UNC13C: variants seen among roughly 807,000 people sequenced by gnomAD.
UNC13C encodes the protein protein unc-13 homolog C.
UNC13C carries 174 observed loss-of-function variants against 245.4 expected under a neutral mutation model. The observed-to-expected ratio is 0.71, with a 90% CI of 0.63 to 0.80. UNC13C has a LOEUF of 0.80. Ranked by LOEUF, UNC13C falls within the 30% of genes least tolerant of loss-of-function variation. The pLI, the probability that UNC13C is intolerant of heterozygous loss-of-function variation, is 0.00. For missense variants in UNC13C, 2,829 were observed against 2,602.9 expected (o/e 1.09, Z -1.89); for synonymous variants, 992 against 895.1 (o/e 1.11, Z -1.93).
In UNC13C at chr15:54,401,979, A is replaced by G. The variant is rs546249367; in HGVS notation, c.4847+8798A>G. ...ACTTGAGCCTCTGATTTTTGGAACCAAAGTAGCATAACTAACCCAATATAA... is the reference window on the plus strand; with the variant it reads ...ACTTGAGCCTCTGATTTTTGGAACCGAAGTAGCATAACTAACCCAATATAA... On this transcript the variant is annotated intron_variant, in intron 18 of 32. Coordinates refer to ENST00000260323, the MANE Select transcript of UNC13C (RefSeq NM_001080534.3). Among the ~76,000 whole-genome samples the G allele has an allele frequency of 1.1e-4, 16 of 152,222 alleles. No individual in the cohort carries two copies. The South Asian group carries it at 3.3e-3, about 32-fold the overall frequency.
chr15:54,091,371 C>T (rs1283549902), intron 2 of UNC13C, among the ~76,000 whole-genome samples: 2 of 152,274 alleles, frequency 1.3e-5, no homozygotes, highest in East Asian at 1.9e-4. Flanking sequence ...CATTTATTCT[C>T]GCAGATGGAT....
chr15:54,626,713 T>C (rs11856235), intron 32 of UNC13C, 115 bp from the exon 33 acceptor site: 549,467 of 959,482 alleles, frequency 0.57, 158,509 homozygotes, highest in East Asian at 0.63. Flanking sequence ...ATATCCTATT[T>C]GCCAACATAA....
chr15:54,613,152 AAT>A (rs1437751510), intron 30 of UNC13C, among the ~76,000 whole-genome samples: 2 of 151,928 alleles, frequency 1.3e-5, no homozygotes, highest in Non-Finnish European at 2.9e-5. Context: ...CTACAAAATC[AAT>A]AGCTTTTTTA....
In UNC13C at chr15:54,628,186, C is replaced by T. The variant is rs1901308144; in HGVS notation, c.*1073C>T. On this transcript the variant is annotated 3_prime_UTR_variant, in exon 33 of 33. Transcript: ENST00000260323. ...GAGAACAATGTAATACAGCTTGGTA[C>T]CTAAAAATATAGCTAAGTTGGTTTT... 2.6e-5 allele frequency: 4 copies of T among 151,940 alleles called. No homozygotes were observed. In the South Asian group the frequency reaches 8.3e-4, roughly 32 times the overall value. 9.4% of individuals were successfully genotyped at this position (151,940 alleles called of 1,614,324 possible). A position where few individuals can be genotyped will look rare whatever the true frequency, so the allele number is the denominator to read the frequency against.
chr15:54,208,176 C>A (rs1158208855), intron 4 of UNC13C, among the ~76,000 whole-genome samples: 1 of 151,968 alleles, frequency 6.6e-6, no homozygotes, highest in African/African-American at 2.4e-5. Context: ...GCCACATACT[C>A]TTAAACAACC....
intron 2 of UNC13C, among the ~76,000 whole-genome samples, chr15:54,123,539 G>A (rs1450780980): frequency 6.6e-6 from 1 of 151,764 alleles, no homozygotes; most frequent in Non-Finnish European, 1.5e-5. Context: ...ATAAATCAAA[G>A]TAATTTATTT....
At chr15:54,261,982 A>G (rs1383877111) in intron 8 of UNC13C, among the ~76,000 whole-genome samples, 1 of 152,220 alleles carries the variant, frequency 6.6e-6, no homozygotes, top group Non-Finnish European at 1.5e-5. Context: ...ATTAGAATAG[A>G]TATTCTATAA....
chr15:53,904,789 C>G, the UNC13C span, among the ~76,000 whole-genome samples: 3 of 152,142 alleles, frequency 2.0e-5, no homozygotes, highest in Non-Finnish European at 2.9e-5. Flanking sequence ...TACCCTGGCT[C>G]TACCATTAAT....
intron 30 of UNC13C, among the ~76,000 whole-genome samples, chr15:54,576,716 C>T (rs1254402082): frequency 6.6e-6 from 1 of 152,162 alleles, no homozygotes; most frequent in Admixed American, 6.5e-5. Context: ...TCCCTCTTCT[C>T]CCCTCTTGTC....
intron 2 of UNC13C, among the ~76,000 whole-genome samples, chr15:54,053,281 C>T (rs980961559): frequency 7.9e-5 from 12 of 152,112 alleles, no homozygotes; most frequent in Non-Finnish European, 1.6e-4. Flanking sequence ...ATACACTCAC[C>T]TCAGCCTCCG....
the UNC13C span, among the ~76,000 whole-genome samples, chr15:53,905,897 G>C: frequency 6.6e-6 from 1 of 151,942 alleles, no homozygotes; most frequent in African/African-American, 2.4e-5. Flanking sequence ...ATAGAGGGCA[G>C]GTCCCTACTT....
Position 54,014,387 on chromosome 15 carries a change from C to T in UNC13C, c.1484C>T (p.Thr495Ile). 1 of 1,613,858 alleles carries T rather than the reference C, an allele frequency of 6.2e-7. No homozygotes were observed. Among genetic ancestry groups the T allele is most frequent in the Non-Finnish European group, 8.5e-7 (1 of 1,179,838 alleles). Reference sequence around the variant, plus strand: ...CACAGTGCTAGATCCAAGAATAAAACTGCTAATAGCAGCAGAATTTCAAAT... The same window carrying T: ...CACAGTGCTAGATCCAAGAATAAAATTGCTAATAGCAGCAGAATTTCAAAT... The part of the protein sequence containing the change: ...KSHSARSKNK[T>I]ANSSRISNKS... The change falls in exon 2 of 33, where the codon ACT (threonine) becomes ATT (isoleucine). Residue 495 changes from threonine to isoleucine, a missense_variant. Thr to Ile is a moderately conservative substitution (Grantham distance 89). Transcript: ENST00000260323.
intron 4 of UNC13C, among the ~76,000 whole-genome samples, chr15:54,209,774 G>A (rs188316974): frequency 3.9e-5 from 6 of 152,000 alleles, no homozygotes; most frequent in African/African-American, 1.2e-4. Flanking sequence ...TCTTAATATC[G>A]GCTAAACAAC....
chr15:54,530,693 T>G (rs1895696607), intron 25 of UNC13C, among the ~76,000 whole-genome samples: 1 of 152,098 alleles, frequency 6.6e-6, no homozygotes, highest in South Asian at 2.1e-4. Flanking sequence ...AAGAGAGCCA[T>G]GAGAATTTCC....
the UNC13C span, among the ~76,000 whole-genome samples, chr15:53,943,199 T>G: frequency 6.6e-6 from 1 of 152,194 alleles, no homozygotes; most frequent in African/African-American, 2.4e-5. Context: ...CCTCACTGAT[T>G]GGCAGTGCTG....
intron 19 of UNC13C, among the ~76,000 whole-genome samples, chr15:54,449,674 G>T (rs190476850): frequency 1.3e-5 from 2 of 152,144 alleles, no homozygotes; most frequent in African/African-American, 4.8e-5. Flanking sequence ...TTAGCCATTC[G>T]ACTAATCATT....
At chr15:54,081,654 A>G (rs936842498) in intron 2 of UNC13C, among the ~76,000 whole-genome samples, 5 of 151,256 alleles carry the variant, frequency 3.3e-5, no homozygotes, top group Non-Finnish European at 5.9e-5. Context: ...ATCTTTCTTC[A>G]TCTCTTTACT....
At chr15:54,395,219 C>G (rs1402840335) in intron 18 of UNC13C, among the ~76,000 whole-genome samples, 1 of 151,812 alleles carries the variant, frequency 6.6e-6, no homozygotes, top group Non-Finnish European at 1.5e-5. Flanking sequence ...GTGAACTCAT[C>G]TGGAGACCAA....
At chr15:54,570,061 G>C (rs981291361) in intron 30 of UNC13C, among the ~76,000 whole-genome samples, 13 of 152,058 alleles carry the variant, frequency 8.5e-5, no homozygotes, top group Admixed American at 7.9e-4. Flanking sequence ...TTGGGGAATG[G>C]AAACTAAAGG....
Sources: gnomAD v4.1 joint callset for allele counts (sites outside exome capture counted in the v4.1 genomes callset) on GRCh38, gnomAD v4.1.1 for gene constraint, MANE v1.5 for transcripts, NCBI Gene and HGNC (gene_info 2026-07-23, HGNC 2026-07-21) for gene names.